TEKT5: variants seen among roughly 807,000 people sequenced by gnomAD.
TEKT5 encodes the protein tektin-5.
A neutral mutation model predicts 48.7 loss-of-function variants in TEKT5; 52 were observed. That is an observed-to-expected ratio of 1.07 (90% CI 0.86 to 1.35). The LOEUF (loss-of-function observed/expected upper bound fraction) is 1.35. TEKT5 is among the 40% of genes most tolerant of loss of function. The pLI, the probability that TEKT5 is intolerant of heterozygous loss-of-function variation, is 0.00. For synonymous variants in TEKT5, 318 were observed against 267.6 expected (o/e 1.19, Z -1.84); for missense variants, 831 against 641.6 (o/e 1.30, Z -3.19).
chr16:10,664,282 G>A (rs1302841547), intron 5 of TEKT5, among the ~76,000 whole-genome samples: 2 of 152,180 alleles, frequency 1.3e-5, no homozygotes, highest in East Asian at 3.8e-4. Flanking sequence ...AGGGAAGGAA[G>A]AGGGAGGGAG....
chr16:10,650,145 C>T (rs1161270064), intron 5 of TEKT5, among the ~76,000 whole-genome samples: 1 of 152,090 alleles, frequency 6.6e-6, no homozygotes, highest in Non-Finnish European at 1.5e-5. Context: ...AATCTCGGCT[C>T]ACTGCAACCT....
At chr16:10,629,237 C>T (rs1897799674) in intron 6 of TEKT5, among the ~76,000 whole-genome samples, 1 of 151,732 alleles carries the variant, frequency 6.6e-6, no homozygotes, top group Non-Finnish European at 1.5e-5. Context: ...TTTTGTGTTA[C>T]ATGTATTTTA....
intron 4 of TEKT5, among the ~76,000 whole-genome samples, chr16:10,681,642 G>A (rs929948936): frequency 1.3e-4 from 20 of 150,638 alleles, no homozygotes; most frequent in Admixed American, 4.7e-4. Context: ...GTGGCTGTGC[G>A]ACCCTCACTA....
intron 3 of TEKT5, among the ~76,000 whole-genome samples, chr16:10,686,857 G>C (rs1004266572): frequency 1.3e-5 from 2 of 152,098 alleles, no homozygotes; most frequent in African/African-American, 2.4e-5. Context: ...CAGATGAATG[G>C]ATAAAGAAAA....
chr16:10,650,512 G>A (rs751727065), intron 5 of TEKT5, among the ~76,000 whole-genome samples: 1 of 152,054 alleles, frequency 6.6e-6, no homozygotes, highest in African/African-American at 2.4e-5. Context: ...TGTGCACTCT[G>A]CCAAAAAACA....
Position 10,635,985 on chromosome 16 carries a change from G to A in TEKT5, c.1087-67C>T, listed in dbSNP as rs187497674. On this transcript the variant is annotated intron_variant, in intron 5 of 6. Coordinates refer to ENST00000283025, the MANE Select transcript of TEKT5 (RefSeq NM_144674.2). ...CTGACCTCCTCTGACTGGGGGCCTG[G>A]GGGGAGCAAGTCAGCTAGGTCAGCC... The A allele has an allele frequency of 3.5e-3, 5,470 of 1,582,598 alleles. 10 individuals carry two copies. The highest frequency in any genetic ancestry group is 4.2e-3 in the Non-Finnish European group (4,933 of 1,166,042).
intron 4 of TEKT5, among the ~76,000 whole-genome samples, chr16:10,678,737 C>T (rs1023980692): frequency 2.6e-5 from 4 of 152,222 alleles, no homozygotes; most frequent in Non-Finnish European, 4.4e-5. Flanking sequence ...GGGACAGTGT[C>T]AGTGTCATAA....
chr16:10,681,000 A>C (rs1056144981), intron 4 of TEKT5, among the ~76,000 whole-genome samples: 2 of 150,206 alleles, frequency 1.3e-5, no homozygotes, highest in African/African-American at 2.4e-5. Context: ...CCTAAAACTT[A>C]AAGTATAATA....
intron 3 of TEKT5, 27 bp from the exon 4 acceptor site, chr16:10,682,163 G>C (rs766955111): frequency 5.0e-6 from 8 of 1,611,556 alleles, no homozygotes; most frequent in South Asian, 1.1e-5. Context: ...GTCATTCCTG[G>C]ACTATGCACC....
Position 10,689,959 on chromosome 16 carries a change from C to A in TEKT5, c.631G>T (p.Glu211Ter). 1.9e-6 allele frequency: 3 copies of A among 1,614,060 alleles called. No individual in the cohort carries two copies. Among genetic ancestry groups the A allele is most frequent in the Non-Finnish European group, 2.5e-6 (3 of 1,180,010 alleles). Residue 211 changes from glutamate to a stop codon, truncating the protein, a stop_gained, in exon 2 of 7, where the codon GAG (glutamate) becomes TAG (stop). Coordinates refer to ENST00000283025, the MANE Select transcript of TEKT5 (RefSeq NM_144674.2). LOFTEE classifies it high-confidence loss of function. Reference protein sequence around the residue: ...IGIDLVHDNVEKNLIREVDLL... With the variant: ...IGIDLVHDNV ...TGCCTTACCCGGATAAGGTTTTTCT[C>A]CACGTTGTCATGGACCAAATCAATC...
chr16:10,660,093 T>C (rs1170945899), intron 5 of TEKT5, among the ~76,000 whole-genome samples: 1 of 152,160 alleles, frequency 6.6e-6, no homozygotes, highest in African/African-American at 2.4e-5. Context: ...TTCTGAGACA[T>C]TAGGCAACGT....
chr16:10,647,509 G>A (rs1038551974), intron 5 of TEKT5, among the ~76,000 whole-genome samples: 18 of 149,140 alleles, frequency 1.2e-4, no homozygotes, highest in Admixed American at 4.0e-4. Flanking sequence ...CCTGTGGTAC[G>A]CGCCTTCCTG....
intron 6 of TEKT5, among the ~76,000 whole-genome samples, chr16:10,628,716 C>T (rs1421392763): frequency 6.6e-6 from 1 of 152,032 alleles, no homozygotes; most frequent in African/African-American, 2.4e-5. Flanking sequence ...ACCAGCCTGG[C>T]CAACATGGTG....
At chr16:10,667,917 G>A (rs923462871) in intron 5 of TEKT5, among the ~76,000 whole-genome samples, 6 of 150,254 alleles carry the variant, frequency 4.0e-5, no homozygotes, top group African/African-American at 9.8e-5. Context: ...TCGCTCTGTC[G>A]CCCAGGCTGG....
In TEKT5 at chr16:10,694,522, C is replaced by T; in HGVS notation, c.352G>A (p.Asp118Asn). The T allele has an allele frequency of 6.2e-7, 1 of 1,609,380 alleles. No individual in the cohort carries two copies. Among genetic ancestry groups the T allele is most frequent in the Non-Finnish European group, 8.5e-7 (1 of 1,177,614 alleles). ...TTGTCCTGCAAGAGCCTCATGGAGT[C>T]ATCCGTCAGCCGGCTGGCCCACAGC... ...SRLWASRLTDDSMRLLQDKDQ... is the reference protein window; with the variant it reads ...SRLWASRLTDNSMRLLQDKDQ... The change falls in exon 1 of 7, where the codon GAC becomes AAC. Residue 118 changes from aspartate to asparagine, a missense_variant. Coordinates refer to ENST00000283025, the MANE Select transcript of TEKT5 (RefSeq NM_144674.2).
At chr16:10,642,849 G>A (rs1169244256) in intron 5 of TEKT5, among the ~76,000 whole-genome samples, 1 of 152,258 alleles carries the variant, frequency 6.6e-6, no homozygotes, top group South Asian at 2.1e-4. Flanking sequence ...GGGAAAGGGT[G>A]GGGGATAGAG....
At chr16:10,670,206 T>A (rs1898527812) in intron 5 of TEKT5, among the ~76,000 whole-genome samples, 1 of 152,176 alleles carries the variant, frequency 6.6e-6, no homozygotes, top group Admixed American at 6.5e-5. Flanking sequence ...CAGGCTAAGC[T>A]CAACTAATAA....
intron 5 of TEKT5, among the ~76,000 whole-genome samples, chr16:10,656,922 T>C (rs36019976): frequency 0.11 from 15,879 of 150,740 alleles, 1,498 homozygotes; most frequent in African/African-American, 0.25. Flanking sequence ...TTATTTTGTG[T>C]AGAGATGGGG....
intron 5 of TEKT5, among the ~76,000 whole-genome samples, chr16:10,670,699 G>C (rs539181995): frequency 6.6e-6 from 1 of 152,262 alleles, no homozygotes; most frequent in African/African-American, 2.4e-5. Flanking sequence ...CGTAGGGTTG[G>C]AGTTTGGTGC....
Sources: allele counts gnomAD v4.1 joint callset (sites outside exome capture counted in the v4.1 genomes callset), GRCh38; gene constraint gnomAD v4.1.1; transcripts MANE v1.5; gene names NCBI Gene and HGNC (gene_info 2026-07-23, HGNC 2026-07-21).